Variants in ZNF90 observed in about 807,000 individuals in gnomAD.
ZNF90 encodes the protein zinc finger protein 90, also known as zinc finger protein HTF9.
Under a neutral mutation model 12.0 loss-of-function variants are expected in ZNF90, and 11 were observed. The observed-to-expected ratio is 0.92, with a 90% confidence interval of 0.58 to 1.52. ZNF90 has a LOEUF of 1.52. ZNF90 is among the 40% of genes most tolerant of loss of function. The pLI, the probability that ZNF90 is intolerant of heterozygous loss-of-function variation, is 0.00. For synonymous variants in ZNF90, 232 were observed against 240.1 expected (o/e 0.97, Z 0.31); for missense variants, 765 against 711.5 (o/e 1.08, Z -0.86).
chr19:20,120,217 C>A lies in ZNF90; in HGVS notation c.*857C>A. Among the ~76,000 whole-genome samples, 1 of 152,260 alleles carries A rather than the reference C, an allele frequency of 6.6e-6. No individual in the cohort carries two copies. The highest frequency in any genetic ancestry group is 1.9e-4 in the East Asian group (1 of 5,194). ...ACAATTATAAAAAATATGGAAAACCCATTAATGCCTACTCACATCTTACCC... is the reference window on the plus strand; with the variant it reads ...ACAATTATAAAAAATATGGAAAACCAATTAATGCCTACTCACATCTTACCC... On this transcript the variant is annotated 3_prime_UTR_variant, in exon 4 of 4. Coordinates refer to ENST00000418063, the MANE Select transcript of ZNF90 (RefSeq NM_007138.2).
At chr19:20,094,499 G>A (rs2088927103) in intron 1 of ZNF90, among the ~76,000 whole-genome samples, 2 of 152,158 alleles carry the variant, frequency 1.3e-5, no homozygotes, top group Admixed American at 1.3e-4. Context: ...ATAATTAACA[G>A]CTTTGTAAGC....
intron 3 of ZNF90, among the ~76,000 whole-genome samples, chr19:20,106,203 T>C (rs1449161547): frequency 1.3e-5 from 2 of 152,024 alleles, no homozygotes; most frequent in Non-Finnish European, 2.9e-5. Flanking sequence ...ATGTTAATTT[T>C]ATGTTTTGCT....
chr19:20,115,700 T>G (rs2089131297), intron 3 of ZNF90, among the ~76,000 whole-genome samples: 1 of 152,116 alleles, frequency 6.6e-6, no homozygotes, highest in Admixed American at 6.5e-5. Flanking sequence ...TTTGTTCAGC[T>G]TTTTTATGTT....
Position 20,119,085 on chromosome 19 carries a change from T to C in ZNF90, c.1531T>C (p.Cys511Arg), listed in dbSNP as rs1555706247. 1.2e-6 allele frequency: 2 copies of C among 1,612,628 alleles called. No individual in the cohort carries two copies. The highest frequency in any genetic ancestry group is 1.7e-5 in the Admixed American group (1 of 59,702). The stretch of plus-strand genomic sequence containing the variant: ...TCACAGTGGAGAGAATCCCTACAAA[T>C]GTGAAGAATGTGGCAAAGCCTTCAA... ...IIHSGENPYKCEECGKAFKRS... is the reference protein window; with the variant it reads ...IIHSGENPYKREECGKAFKRS... Residue 511 changes from cysteine to arginine, a missense_variant, in exon 4 of 4, where the codon TGT becomes CGT. Cys to Arg is a radical substitution (Grantham distance 180). Coordinates refer to ENST00000418063, the MANE Select transcript of ZNF90 (RefSeq NM_007138.2).
At position 20,104,374 on chromosome 19, in the gene ZNF90, A is replaced by G; in HGVS notation, c.130+9A>G. 6.2e-7 allele frequency: 1 copy of G among 1,610,000 alleles called. No individual in the cohort carries two copies. The highest frequency in any genetic ancestry group is 1.1e-5 in the South Asian group (1 of 90,360). On this transcript the variant is annotated intron_variant, in intron 2 of 3. Transcript: ENST00000418063. ...ACACCTGGTCTTCCTTGGTGAGGAT[A>G]AGTGGAATACATAATTCATAATATA... is the stretch of plus-strand genomic sequence containing the variant.
chr19:20,095,086 T>C (rs948033149), intron 1 of ZNF90, among the ~76,000 whole-genome samples: 1 of 151,778 alleles, frequency 6.6e-6, no homozygotes, highest in Non-Finnish European at 1.5e-5. Flanking sequence ...CAGATGGGTC[T>C]GTAGAAAAGG....
rs1049902019 is a variant in ZNF90 at position 20,078,084 on chromosome 19, C to T, written c.-49C>T. On this transcript the variant is annotated 5_prime_UTR_variant, in exon 1 of 4. Coordinates refer to ENST00000418063, the MANE Select transcript of ZNF90 (RefSeq NM_007138.2). ...TCTCCAGCCTCTGTGGCCCTGTGAC[C>T]TGCAGGTATTGGGAGATCCACAGCT... The T allele has an allele frequency of 9.3e-6, 15 of 1,613,668 alleles. No homozygotes were observed. The highest frequency in any genetic ancestry group is 8.0e-5 in the African/African-American group (6 of 74,920).
chr19:20,115,741 GTTAC>G (rs1396949997), intron 3 of ZNF90, among the ~76,000 whole-genome samples: 2 of 151,582 alleles, frequency 1.3e-5, no homozygotes, highest in African/African-American at 4.8e-5. Flanking sequence ...AAATTTTTCA[GTTAC>G]TTTTTGTAAT....
chr19:20,119,463 C>G lies in ZNF90; in HGVS notation c.*103C>G. 7.5e-6 allele frequency: 7 copies of G among 935,734 alleles called. No individual in the cohort carries two copies. In the South Asian group the frequency reaches 1.3e-4, roughly 17 times the overall value. 58.0% of individuals were successfully genotyped at this position (935,734 alleles called of 1,614,324 possible). On this transcript the variant is annotated 3_prime_UTR_variant, in exon 4 of 4. Coordinates refer to ENST00000418063, the MANE Select transcript of ZNF90 (RefSeq NM_007138.2). ...GCCTTTGACCACCCCTCTACTCTTA[C>G]TAAATATGAGAATTTATATGAAACA...
At chr19:20,082,209 C>T (rs565693662) in intron 1 of ZNF90, among the ~76,000 whole-genome samples, 9 of 152,178 alleles carry the variant, frequency 5.9e-5, no homozygotes, top group African/African-American at 2.2e-4. Flanking sequence ...GTTTTCTGAT[C>T]CTCATGGTCC....
intron 1 of ZNF90, among the ~76,000 whole-genome samples, chr19:20,093,979 G>A (rs2088923045): frequency 6.6e-6 from 1 of 152,230 alleles, no homozygotes; most frequent in African/African-American, 2.4e-5. Context: ...GGTGAGCTGG[G>A]CAGTCTGATT....
At chr19:20,091,000 G>C (rs1260822421) in intron 1 of ZNF90, among the ~76,000 whole-genome samples, 1 of 152,094 alleles carries the variant, frequency 6.6e-6, no homozygotes, top group Admixed American at 6.5e-5. Flanking sequence ...GGGTGATTTG[G>C]CTAGTAAAGG....
intron 1 of ZNF90, among the ~76,000 whole-genome samples, chr19:20,089,311 C>T (rs537624058): frequency 2.9e-4 from 44 of 152,136 alleles, no homozygotes; most frequent in South Asian, 4.2e-4. Context: ...GAGAGTCTGA[C>T]GAGCAAGGGG....
intron 3 of ZNF90, among the ~76,000 whole-genome samples, chr19:20,110,133 T>C (rs975284555): frequency 6.6e-6 from 1 of 152,242 alleles, no homozygotes; most frequent in African/African-American, 2.4e-5. Flanking sequence ...TAAGGTGGAA[T>C]AATATTCCAT....
intron 1 of ZNF90, among the ~76,000 whole-genome samples, chr19:20,098,709 TCA>T (rs2088967025): frequency 1.3e-5 from 2 of 152,320 alleles, no homozygotes; most frequent in Non-Finnish European, 2.9e-5. Context: ...GAGAATTCTG[TCA>T]CAATCATCTA....
At chr19:20,096,703 A>G (rs1027929474) in intron 1 of ZNF90, among the ~76,000 whole-genome samples, 6 of 152,118 alleles carry the variant, frequency 3.9e-5, no homozygotes, top group Non-Finnish European at 5.9e-5. Context: ...GTGATTCTTC[A>G]GTTACTTCAG....
In ZNF90 at chr19:20,086,203, T is replaced by C. The variant is rs527527077; in HGVS notation, c.3+8068T>C. 1.5e-3 allele frequency among the ~76,000 whole-genome samples: 225 copies of C among 151,958 alleles called. 1 individual carries two copies. Among genetic ancestry groups the C allele is most frequent in the African/African-American group, 4.9e-3 (205 of 41,454 alleles). On this transcript the variant is annotated intron_variant, in intron 1 of 3. Transcript: ENST00000418063. ...GTGTAATGTTTGCAGACTACCTGCA[T>C]TCATATAAATTAAACAGTATTTTCT... is the stretch of plus-strand genomic sequence containing the variant.
Position 20,118,242 on chromosome 19 carries a change from A to G in ZNF90, c.688A>G (p.Lys230Glu). ...KRIHTGEKRY[K>E]CEDCGKELKY... ...AATTCATACTGGAGAGAAACGGTAC[A>G]AATGTGAAGATTGTGGCAAAGAATT... Residue 230 changes from lysine (K) to glutamate (E), a missense_variant, in exon 4 of 4, where the codon AAA becomes GAA. Coordinates refer to ENST00000418063, the MANE Select transcript of ZNF90 (RefSeq NM_007138.2). 6.3e-7 allele frequency: 1 copy of G among 1,578,900 alleles called. No homozygotes were observed. The highest frequency in any genetic ancestry group is 1.1e-5 in the South Asian group (1 of 87,094).
chr19:20,090,607 T>G (rs914880352), intron 1 of ZNF90, among the ~76,000 whole-genome samples: 1 of 152,176 alleles, frequency 6.6e-6, no homozygotes, highest in Non-Finnish European at 1.5e-5. Context: ...CAACTGATCG[T>G]CCAGCTAGGT....
Sources: allele counts gnomAD v4.1 joint callset (sites outside exome capture counted in the v4.1 genomes callset), GRCh38; gene constraint gnomAD v4.1.1; transcripts MANE v1.5; gene names NCBI Gene and HGNC (gene_info 2026-07-23, HGNC 2026-07-21).